PRR16: variants seen among roughly 807,000 people sequenced by gnomAD.
PRR16 encodes proline rich 16.
In PRR16, 6 loss-of-function variants were observed where a neutral mutation model predicts 18.2. The ratio of observed to expected loss-of-function variants is 0.33; its 90% CI spans 0.18 to 0.65. The LOEUF is 0.65. Ranked by LOEUF, PRR16 falls within the 30% of genes least tolerant of loss-of-function variation. The pLI is 0.74. For missense variants in PRR16, 412 were observed against 376.6 expected, an observed-to-expected ratio of 1.09 and a Z score of -0.78; for synonymous variants, 151 against 147.8, an observed-to-expected ratio of 1.02 and a Z score of -0.16.
intron 1 of PRR16, among the ~76,000 whole-genome samples, chr5:120,615,039 T>A (rs187320735): frequency 9.7e-6 from 1 of 103,288 alleles, no homozygotes; most frequent in Admixed American, 1.3e-4. Flanking sequence ...CCTATTCTGT[T>A]GACTGTATAA....
intron 1 of PRR16, among the ~76,000 whole-genome samples, chr5:120,523,896 G>A (rs559868885): frequency 6.6e-6 from 1 of 152,094 alleles, no homozygotes; most frequent in Non-Finnish European, 1.5e-5. Flanking sequence ...TTCAACCCAA[G>A]AGAAATATAC....
chr5:120,649,902 TG>T (rs1486501746), intron 1 of PRR16, among the ~76,000 whole-genome samples: 1 of 152,060 alleles, frequency 6.6e-6, no homozygotes, highest in African/African-American at 2.4e-5. Context: ...ATCATTATTC[TG>T]TATTTGTGAT....
chr5:120,770,924 A>ACTCTCTCTCT, the PRR16 span, among the ~76,000 whole-genome samples: 2 of 38,578 alleles, frequency 5.2e-5, no homozygotes, highest in African/African-American at 1.7e-4. Context: ...ACTCATTGGA[A>ACTCTCTCTCT]CACTCTCTCT....
rs567200005 is a variant in PRR16, at chr5:120,488,892, C to A, written c.159+24247C>A. On this transcript the variant is annotated intron_variant, in intron 1 of 1. Coordinates refer to ENST00000407149, the MANE Select transcript of PRR16 (RefSeq NM_001300783.2). ...TTTCAAAGAACATCTTTATTTCTGC[C>A]TTCATTTCATTATGTACCCAGTAGT... Among the ~76,000 whole-genome samples, 31 of 152,146 alleles carry A rather than the reference C, an allele frequency of 2.0e-4. No homozygotes were observed. The East Asian group carries it at 5.0e-3, about 25-fold the overall frequency.
the PRR16 span, among the ~76,000 whole-genome samples, chr5:120,711,364 C>T: frequency 5.0e-4 from 76 of 152,064 alleles, no homozygotes; most frequent in Non-Finnish European, 9.1e-4. Flanking sequence ...GAGTAGTAAT[C>T]ATGTCTGTCT....
intron 1 of PRR16, among the ~76,000 whole-genome samples, chr5:120,477,889 A>G (rs1314019695): frequency 6.6e-6 from 1 of 152,104 alleles, no homozygotes; most frequent in Non-Finnish European, 1.5e-5. Flanking sequence ...ACCTCACTCA[A>G]ACTTTGCTCC....
At chr5:120,489,467 A>G (rs1010950113) in intron 1 of PRR16, among the ~76,000 whole-genome samples, 1 of 152,122 alleles carries the variant, frequency 6.6e-6, no homozygotes, top group Non-Finnish European at 1.5e-5. Context: ...AGAGACTAGG[A>G]TTGCAGCCCC....
At chr5:120,758,961 T>G in the PRR16 span, among the ~76,000 whole-genome samples, 1 of 149,666 alleles carries the variant, frequency 6.7e-6, no homozygotes, top group African/African-American at 2.4e-5. Context: ...CATTGATTTT[T>G]GTACCATAAT....
chr5:120,491,425 TTTCCTTTCCTTTCC>T (rs1750036937), intron 1 of PRR16, among the ~76,000 whole-genome samples: 2 of 590 alleles, frequency 3.4e-3, no homozygotes, highest in Admixed American at 0.026. Context: ...TACCCTTTCC[TTTCCTTTCCTTTCC>T]TTTCCTTTCC....
intron 1 of PRR16, among the ~76,000 whole-genome samples, chr5:120,568,722 A>G (rs143184891): frequency 6.2e-4 from 95 of 152,308 alleles, no homozygotes; most frequent in African/African-American, 2.1e-3. Flanking sequence ...ATTATAACTT[A>G]TACATCAACA....
At chr5:120,618,108 T>C (rs1754573929) in intron 1 of PRR16, among the ~76,000 whole-genome samples, 1 of 152,134 alleles carries the variant, frequency 6.6e-6, no homozygotes, top group Admixed American at 6.6e-5. Flanking sequence ...TTTCCACTTG[T>C]AGATAAAACC....
At chr5:120,637,362 T>TA (rs1198222466) in intron 1 of PRR16, among the ~76,000 whole-genome samples, 1 of 140,830 alleles carries the variant, frequency 7.1e-6, no homozygotes, top group Admixed American at 7.2e-5. Flanking sequence ...CACATGTTTA[T>TA]AGCAGCAAAA....
At chr5:120,648,310 C>A (rs1260580060) in intron 1 of PRR16, among the ~76,000 whole-genome samples, 1 of 151,992 alleles carries the variant, frequency 6.6e-6, no homozygotes, top group African/African-American at 2.4e-5. Context: ...TACCTCATTT[C>A]ACTGTTCATA....
chr5:120,574,941 C>A (rs1753025247), intron 1 of PRR16, among the ~76,000 whole-genome samples: 1 of 148,782 alleles, frequency 6.7e-6, no homozygotes, highest in South Asian at 2.1e-4. Context: ...TCCCCTTATA[C>A]ACAGTTTCAG....
At chr5:120,638,762 C>T (rs991097134) in intron 1 of PRR16, among the ~76,000 whole-genome samples, 2 of 151,904 alleles carry the variant, frequency 1.3e-5, no homozygotes, top group Non-Finnish European at 2.9e-5. Context: ...CAGCCTATGG[C>T]GTGATGATTA....
intron 1 of PRR16, among the ~76,000 whole-genome samples, chr5:120,496,351 A>G (rs843250): frequency 1 from 152,155 of 152,156 alleles, 76,077 homozygotes; most frequent in Non-Finnish European, 1. Context: ...TTTCTTACTT[A>G]GGGATTTAAA....
At chr5:120,510,315 C>T (rs73264197) in intron 1 of PRR16, among the ~76,000 whole-genome samples, 2,020 of 152,178 alleles carry the variant, frequency 0.013, 18 homozygotes, top group Middle Eastern at 0.11. Context: ...TAACATTCAA[C>T]GTGTTACATA....
At chr5:120,633,193 C>T (rs541986279) in intron 1 of PRR16, among the ~76,000 whole-genome samples, 20 of 152,160 alleles carry the variant, frequency 1.3e-4, no homozygotes, top group African/African-American at 4.8e-4. Context: ...GAGAATTCTC[C>T]ACTACCAAGC....
At chr5:120,496,279 G>A (rs902990530) in intron 1 of PRR16, among the ~76,000 whole-genome samples, 4 of 151,632 alleles carry the variant, frequency 2.6e-5, no homozygotes, top group Middle Eastern at 6.8e-3. Flanking sequence ...TATAAAATTT[G>A]TAGTAATTCT....
Sources: allele counts gnomAD v4.1 joint callset (sites outside exome capture counted in the v4.1 genomes callset), GRCh38; gene constraint gnomAD v4.1.1; transcripts MANE v1.5; gene names NCBI Gene and HGNC (gene_info 2026-07-23, HGNC 2026-07-21).